The following CARMIL1 variants were observed in gnomAD, a reference collection of about 807,000 sequenced individuals.
The protein encoded by CARMIL1 is capping protein regulator and myosin 1 linker 1.
In CARMIL1, 90 loss-of-function variants were observed where a neutral mutation model predicts 177.1. The observed-to-expected ratio is 0.51, with a 90% CI of 0.43 to 0.61. The LOEUF (loss-of-function observed/expected upper bound fraction) is 0.61, where lower values mean the gene tolerates loss of function less well. Among genes scored for constraint, CARMIL1 ranks in the 20% least tolerant of loss-of-function variants. The probability of loss-of-function intolerance (pLI) is 0.00; values close to 1 mark genes in which losing one functional copy is unlikely to be tolerated. For synonymous variants in CARMIL1, 577 were observed against 606.2 expected (o/e 0.95, Z 0.71); for missense variants, 1,380 against 1,667.0 (o/e 0.83, Z 3.00).
intron 2 of CARMIL1, among the ~76,000 whole-genome samples, chr6:25,356,980 G>GGGT (rs145247823): frequency 0.056 from 8,527 of 152,094 alleles, 283 homozygotes; most frequent in Non-Finnish European, 0.088. Context: ...CCTTGCAGGT[G>GGGT]GGTGTGGGTC....
intron 16 of CARMIL1, among the ~76,000 whole-genome samples, chr6:25,496,000 CA>C (rs1803668783): frequency 6.6e-6 from 1 of 152,150 alleles, no homozygotes; most frequent in African/African-American, 2.4e-5. Flanking sequence ...TGTAAATCAG[CA>C]TTTAATTTTT....
At chr6:25,555,892 G>A (rs1055393067) in intron 28 of CARMIL1, among the ~76,000 whole-genome samples, 6 of 151,894 alleles carry the variant, frequency 4.0e-5, no homozygotes, top group Admixed American at 3.9e-4. Context: ...AATTTACTCA[G>A]AAAGTATTGA....
chr6:25,510,231 A>G (rs1805337900), intron 18 of CARMIL1, among the ~76,000 whole-genome samples: 4 of 152,164 alleles, frequency 2.6e-5, no homozygotes, highest in Admixed American at 2.6e-4. Flanking sequence ...ACTTTCTGCC[A>G]TTATTCATTC....
At chr6:25,344,092 G>A (rs544546184) in intron 2 of CARMIL1, among the ~76,000 whole-genome samples, 2 of 152,056 alleles carry the variant, frequency 1.3e-5, no homozygotes, top group African/African-American at 4.8e-5. Context: ...CAGGATTTCA[G>A]TCCCCATGTT....
chr6:25,618,681 C>T (rs1452861559), intron 36 of CARMIL1, among the ~76,000 whole-genome samples: 1 of 152,178 alleles, frequency 6.6e-6, no homozygotes, highest in Non-Finnish European at 1.5e-5. Flanking sequence ...GAGTGCCTAA[C>T]ACATGACAGA....
At chr6:25,470,697 A>G (rs1271011011) in intron 9 of CARMIL1, among the ~76,000 whole-genome samples, 5 of 152,196 alleles carry the variant, frequency 3.3e-5, no homozygotes, top group African/African-American at 1.2e-4. Flanking sequence ...TGGTGAGGGC[A>G]CAGTTTCTTG....
At chr6:25,303,686 A>G (rs765601538) in intron 2 of CARMIL1, among the ~76,000 whole-genome samples, 6 of 152,258 alleles carry the variant, frequency 3.9e-5, no homozygotes, top group Non-Finnish European at 7.3e-5. Flanking sequence ...AGAATTTGCC[A>G]TATCTGCTTT....
chr6:25,542,077 T>A (rs1382249258), intron 26 of CARMIL1, among the ~76,000 whole-genome samples: 1 of 152,264 alleles, frequency 6.6e-6, no homozygotes, highest in Non-Finnish European at 1.5e-5. Flanking sequence ...TTTGTTTCAT[T>A]AAAGTATTTG....
chr6:25,341,938 G>C (rs951975448), intron 2 of CARMIL1, among the ~76,000 whole-genome samples: 1 of 152,192 alleles, frequency 6.6e-6, no homozygotes, highest in African/African-American at 2.4e-5. Context: ...GGAGGAGGGG[G>C]CACAGGTGCA....
chr6:25,411,720 C>T (rs1178349447), intron 2 of CARMIL1, among the ~76,000 whole-genome samples: 1 of 152,176 alleles, frequency 6.6e-6, no homozygotes, highest in Admixed American at 6.5e-5. Flanking sequence ...AATGGATTTG[C>T]ACAGGTGTTA....
At chr6:25,329,371 C>G (rs1003725501) in intron 2 of CARMIL1, among the ~76,000 whole-genome samples, 2 of 152,206 alleles carry the variant, frequency 1.3e-5, no homozygotes, top group African/African-American at 4.8e-5. Context: ...TAGTGTTTCT[C>G]ATTGGCCGTG....
chr6:25,428,720 T>A (rs1361413834), intron 4 of CARMIL1, among the ~76,000 whole-genome samples: 2 of 152,200 alleles, frequency 1.3e-5, no homozygotes, highest in Non-Finnish European at 2.9e-5. Context: ...TTGTTGTAGC[T>A]TTCAGCGTAC....
At chr6:25,465,576 G>T in intron 8 of CARMIL1, 1 of 318,196 alleles carries the variant, frequency 3.1e-6, no homozygotes, top group South Asian at 5.2e-5. Flanking sequence ...CTTGTTATTG[G>T]TATGGACTTA....
chr6:25,452,205 A>T (rs1487342257), intron 8 of CARMIL1: 1 of 764,378 alleles, frequency 1.3e-6, no homozygotes, highest in Non-Finnish European at 2.4e-6. Context: ...GATGGGCCTA[A>T]AGCCTCCAGT....
At chr6:25,402,300 C>T (rs778686127) in intron 2 of CARMIL1, among the ~76,000 whole-genome samples, 6 of 152,058 alleles carry the variant, frequency 3.9e-5, no homozygotes, top group Non-Finnish European at 5.9e-5. Context: ...GCGTTGAATA[C>T]GCGTCAAGGA....
chr6:25,284,183 G>A (rs1202051969), intron 1 of CARMIL1, among the ~76,000 whole-genome samples: 2 of 152,280 alleles, frequency 1.3e-5, no homozygotes, highest in African/African-American at 4.8e-5. Context: ...GTTGTGTTCT[G>A]CATGCAACGT....
chr6:25,380,416 T>G (rs1183578765), intron 2 of CARMIL1, among the ~76,000 whole-genome samples: 2 of 152,152 alleles, frequency 1.3e-5, no homozygotes, highest in Admixed American at 6.5e-5. Flanking sequence ...TTATTTTGCA[T>G]TAAAACTTTA....
intron 2 of CARMIL1, among the ~76,000 whole-genome samples, chr6:25,341,256 G>C (rs998410917): frequency 6.6e-6 from 1 of 152,180 alleles, no homozygotes; most frequent in Admixed American, 6.5e-5. Context: ...ATTCCAGAGA[G>C]ATCTGAGACT....
At chr6:25,408,073 T>C (rs1401851067) in intron 2 of CARMIL1, among the ~76,000 whole-genome samples, 1 of 151,858 alleles carries the variant, frequency 6.6e-6, no homozygotes, top group Non-Finnish European at 1.5e-5. Flanking sequence ...GGTGGGAGGA[T>C]CACTTGAGCT....
Sources: gnomAD v4.1 joint callset for allele counts (sites outside exome capture counted in the v4.1 genomes callset) on GRCh38, gnomAD v4.1.1 for gene constraint, MANE v1.5 for transcripts, NCBI Gene and HGNC (gene_info 2026-07-23, HGNC 2026-07-21) for gene names.